Variants in ANKS1B observed in about 807,000 individuals in gnomAD.
ANKS1B encodes the protein ankyrin repeat and sterile alpha motif domain containing 1B.
A neutral mutation model predicts 148.3 loss-of-function variants in ANKS1B; 36 were observed. The ratio of observed to expected loss-of-function variants is 0.24; its 90% CI spans 0.19 to 0.32. The LOEUF is 0.32. Ranked by LOEUF, ANKS1B falls within the 10% of genes least tolerant of loss-of-function variation. The pLI, the probability that ANKS1B is intolerant of heterozygous loss-of-function variation, is 1.00. For missense variants in ANKS1B, 1,157 were observed against 1,542.6 expected, an observed-to-expected ratio of 0.75 and a Z score of 4.19; for synonymous variants, 542 against 560.8, an observed-to-expected ratio of 0.97 and a Z score of 0.47.
chr12:98,965,350 C>CAG (rs1462323691), intron 17 of ANKS1B, among the ~76,000 whole-genome samples: 1 of 152,174 alleles, frequency 6.6e-6, no homozygotes, highest in African/African-American at 2.4e-5. Context: ...CAAGAATTTA[C>CAG]AGAGGCAATG....
intron 14 of ANKS1B, among the ~76,000 whole-genome samples, chr12:99,232,850 T>A (rs548079572): frequency 1.3e-5 from 2 of 152,254 alleles, no homozygotes; most frequent in South Asian, 4.1e-4. Flanking sequence ...AAGCCATGCA[T>A]ACTCTGATAA....
chr12:99,818,655 A>C (rs2082156380), intron 2 of ANKS1B, among the ~76,000 whole-genome samples: 1 of 151,876 alleles, frequency 6.6e-6, no homozygotes, highest in South Asian at 2.1e-4. Flanking sequence ...ATTTTGGAAA[A>C]TGGAAATAGA....
intron 17 of ANKS1B, chr12:98,894,856 T>C: frequency 4.1e-6 from 4 of 979,802 alleles, no homozygotes; most frequent in Non-Finnish European, 4.8e-6. Context: ...AGCGCCGGGC[T>C]CTCCCCGCGA....
chr12:99,771,502 T>G (rs1176547389), intron 8 of ANKS1B, among the ~76,000 whole-genome samples: 1 of 152,108 alleles, frequency 6.6e-6, no homozygotes, highest in African/African-American at 2.4e-5. Context: ...ACAAATATGT[T>G]TTAAGTTCTA....
intron 9 of ANKS1B, among the ~76,000 whole-genome samples, chr12:99,556,687 A>T (rs1411882271): frequency 6.6e-6 from 1 of 152,060 alleles, no homozygotes; most frequent in Non-Finnish European, 1.5e-5. Context: ...TTTATGATTT[A>T]ATTTCACTGT....
chr12:99,051,562 A>G (rs2099966101), intron 17 of ANKS1B, among the ~76,000 whole-genome samples: 1 of 152,228 alleles, frequency 6.6e-6, no homozygotes, highest in Non-Finnish European at 1.5e-5. Flanking sequence ...AGTTCTTGAC[A>G]GAGAATTGAA....
At chr12:98,794,541 GA>G (rs1380527444) in intron 22 of ANKS1B, 12 of 664,256 alleles carry the variant, frequency 1.8e-5, no homozygotes, top group Middle Eastern at 7.4e-4. Flanking sequence ...GCCATGGCAA[GA>G]TGTTCATCCG....
intron 4 of ANKS1B, among the ~76,000 whole-genome samples, chr12:99,801,077 T>C (rs574049711): frequency 6.6e-6 from 1 of 152,282 alleles, no homozygotes; most frequent in African/African-American, 2.4e-5. Context: ...TTTCCACTTA[T>C]ATGAGTTGAG....
At chr12:99,590,717 G>A (rs978168920) in intron 9 of ANKS1B, among the ~76,000 whole-genome samples, 1 of 152,190 alleles carries the variant, frequency 6.6e-6, no homozygotes, top group Non-Finnish European at 1.5e-5. Context: ...AATGGCTACA[G>A]GTAAAAGAAG....
chr12:99,582,931 C>T (rs2097584587), intron 9 of ANKS1B, among the ~76,000 whole-genome samples: 1 of 151,716 alleles, frequency 6.6e-6, no homozygotes, highest in Admixed American at 6.6e-5. Flanking sequence ...AATATTTCAC[C>T]CTCTATTTTC....
At position 99,578,294 on chromosome 12, in the gene ANKS1B, A is replaced by C. The variant is rs1238094347; in HGVS notation, c.1273-73653T>G. ...TGGGCAAAAGCTGGAAGCATTCCCC[A>C]TGAGAAATGACTGCACACCCACTAA... On this transcript the variant is annotated intron_variant, in intron 9 of 26. Transcript: ENST00000683438. Among the ~76,000 whole-genome samples, 6 of 151,690 alleles carry C rather than the reference A, an allele frequency of 4.0e-5. No homozygotes were observed. The East Asian group carries it at 1.2e-3, about 29-fold the overall frequency.
chr12:99,974,383 T>G (rs755218917), intron 1 of ANKS1B, among the ~76,000 whole-genome samples: 1 of 152,216 alleles, frequency 6.6e-6, no homozygotes, highest in Admixed American at 6.5e-5. Flanking sequence ...ATGTCTGAGC[T>G]ATGCCTGTAC....
intron 2 of ANKS1B, among the ~76,000 whole-genome samples, chr12:99,822,206 T>C (rs2082597493): frequency 6.6e-6 from 1 of 152,106 alleles, no homozygotes; most frequent in South Asian, 2.1e-4. Context: ...AGATTAAGTA[T>C]GAAGAAGACC....
chr12:99,896,710 G>A lies in ANKS1B; in HGVS notation c.135-71321C>T, dbSNP rs542917633. Among the ~76,000 whole-genome samples, 22 of 151,270 alleles carry A rather than the reference G, an allele frequency of 1.5e-4. No homozygotes were observed. The East Asian group carries it at 2.9e-3, about 20-fold the overall frequency. ...ATACTGAATTACATTTCAGGCCTTT[G>A]TGGTCTAGCCTAGAACTTAAATGTG... On this transcript the variant is annotated intron_variant, in intron 1 of 26. Coordinates refer to ENST00000683438, the MANE Select transcript of ANKS1B (RefSeq NM_001352186.2).
intron 12 of ANKS1B, among the ~76,000 whole-genome samples, chr12:99,258,171 T>C (rs1370080187): frequency 6.6e-6 from 1 of 152,210 alleles, no homozygotes; most frequent in South Asian, 2.1e-4. Context: ...TGTACCCTAC[T>C]ACATAGGTAG....
At chr12:99,048,318 A>C (rs527847178) in intron 17 of ANKS1B, among the ~76,000 whole-genome samples, 1 of 152,322 alleles carries the variant, frequency 6.6e-6, no homozygotes, top group South Asian at 2.1e-4. Flanking sequence ...AAATGGCTAT[A>C]ATTAGAGAGT....
rs193178670 is a variant in ANKS1B at position 99,936,018 on chromosome 12, A to G, written c.134+48086T>C. On this transcript the variant is annotated intron_variant, in intron 1 of 26. Transcript: ENST00000683438. ...AGCAGGAGAAAGAATGAGTGCAAGC[A>G]GGGGAAATGCCAGATGTTTATAAAA... is the stretch of plus-strand genomic sequence containing the variant. Among the ~76,000 whole-genome samples the G allele has an allele frequency of 7.9e-4, 120 of 152,300 alleles. No homozygotes were observed. In the Middle Eastern group the frequency reaches 0.01, roughly 13 times the overall value.
intron 17 of ANKS1B, among the ~76,000 whole-genome samples, chr12:98,868,654 C>T (rs569021632): frequency 1.4e-4 from 22 of 152,274 alleles, no homozygotes; most frequent in African/African-American, 4.6e-4. Flanking sequence ...AAATCTGGGT[C>T]GAGTTGAAAT....
chr12:99,873,554 C>T (rs1228224957), intron 1 of ANKS1B, among the ~76,000 whole-genome samples: 1 of 152,108 alleles, frequency 6.6e-6, no homozygotes, highest in East Asian at 1.9e-4. Context: ...TTAAAGATAG[C>T]CGTTATTTTA....
Sources: allele counts gnomAD v4.1 joint callset (sites outside exome capture counted in the v4.1 genomes callset), GRCh38; gene constraint gnomAD v4.1.1; transcripts MANE v1.5; gene names NCBI Gene and HGNC (gene_info 2026-07-23, HGNC 2026-07-21).